Variants in ERGIC1 observed in about 807,000 individuals in gnomAD.
The protein encoded by ERGIC1 is endoplasmic reticulum-golgi intermediate compartment 1.
A neutral mutation model predicts 38.3 loss-of-function variants in ERGIC1; 19 were observed. The ratio of observed to expected loss-of-function variants is 0.50; its 90% CI spans 0.35 to 0.73. ERGIC1 has a LOEUF of 0.73. ERGIC1 is among the 30% of genes least tolerant of loss of function. The pLI is 0.01. For missense variants in ERGIC1, 294 were observed against 389.2 expected, an observed-to-expected ratio of 0.76 and a Z score of 2.06; for synonymous variants, 124 against 157.6, an observed-to-expected ratio of 0.79 and a Z score of 1.60.
chr5:172,941,283 A>G (rs762041835), intron 9 of ERGIC1, among the ~76,000 whole-genome samples: 3 of 152,054 alleles, frequency 2.0e-5, no homozygotes, highest in Admixed American at 6.6e-5. Context: ...TATTTTCCCT[A>G]GCCAGACAGG....
At chr5:172,911,735 G>A (rs752957712) in intron 4 of ERGIC1, among the ~76,000 whole-genome samples, 4 of 152,034 alleles carry the variant, frequency 2.6e-5, no homozygotes, top group Admixed American at 6.6e-5. Context: ...AGCTGAGATC[G>A]TACTGCATGT....
Position 172,834,633 on chromosome 5 carries a change from C to A in ERGIC1, c.20+200C>A, listed in dbSNP as rs1256953812. On this transcript the variant is annotated intron_variant, in intron 1 of 9. Transcript: ENST00000393784. The surrounding 1 kb of genome is among the most constrained non-coding windows in gnomAD (Gnocchi z 4.1). ...CCAGAGCCGCGGAGGCCCCCTCGTG[C>A]AGCGGGAGACAAATCCACCCACCTT... Among the ~76,000 whole-genome samples, 2 of 140,794 alleles carry A rather than the reference C, an allele frequency of 1.4e-5. No individual in the cohort carries two copies. Among genetic ancestry groups the A allele is most frequent in the Non-Finnish European group, 3.1e-5 (2 of 64,274 alleles). 92.4% of individuals were successfully genotyped at this position (140,794 alleles called of 152,430 possible). A position where few individuals can be genotyped will look rare whatever the true frequency, so the allele number is the denominator to read the frequency against.
intron 1 of ERGIC1, among the ~76,000 whole-genome samples, chr5:172,866,250 T>G (rs1581524414): frequency 1.3e-5 from 2 of 151,566 alleles, no homozygotes; most frequent in African/African-American, 2.4e-5. Context: ...GAGAGCAGAG[T>G]GGGGAGAGAA....
chr5:172,914,531 AC>A (rs776914335), intron 4 of ERGIC1, 182 bp from the exon 5 acceptor site: 18 of 961,288 alleles, frequency 1.9e-5, no homozygotes, highest in Non-Finnish European at 2.7e-5. Flanking sequence ...CCCTCGCCTC[AC>A]GTTTAGCGGA....
chr5:172,840,025 T>C (rs1761122701), intron 1 of ERGIC1, among the ~76,000 whole-genome samples: 1 of 152,206 alleles, frequency 6.6e-6, no homozygotes, highest in Non-Finnish European at 1.5e-5. Flanking sequence ...CCAACAGTGC[T>C]CATTAAGAAG....
At chr5:172,908,318 G>GGGGCGGA (rs1561729632) in intron 3 of ERGIC1, among the ~76,000 whole-genome samples, 1 of 7,334 alleles carries the variant, frequency 1.4e-4, no homozygotes. Context: ...GGGGGGGGGG[G>GGGGCGGA]AGAGAGGGGA....
At chr5:172,932,183 C>T (rs1763791647) in intron 7 of ERGIC1, among the ~76,000 whole-genome samples, 1 of 152,132 alleles carries the variant, frequency 6.6e-6, no homozygotes, top group South Asian at 2.1e-4. Context: ...CATGGTTGCT[C>T]TATTGATGGA....
chr5:172,951,076 G>A lies in ERGIC1; in HGVS notation c.*260G>A. On this transcript the variant is annotated 3_prime_UTR_variant, in exon 10 of 10. Coordinates refer to ENST00000393784, the MANE Select transcript of ERGIC1 (RefSeq NM_001031711.3). ...CCAAGAACAGAGTCAGGCAAGGGGTGGGGAGTCCAGGGATCTTGGGGACCC... is the reference window on the plus strand; with the variant it reads ...CCAAGAACAGAGTCAGGCAAGGGGTAGGGAGTCCAGGGATCTTGGGGACCC... The A allele has an allele frequency of 2.6e-6, 1 of 389,484 alleles. No homozygotes were observed. Among genetic ancestry groups the A allele is most frequent in the African/African-American group, 2.1e-5 (1 of 48,450 alleles). The allele number at this position is 389,484 out of a possible 1,614,324, so 24.1% of individuals were successfully genotyped here.
chr5:172,943,109 T>A (rs1238772561), intron 9 of ERGIC1, among the ~76,000 whole-genome samples: 1 of 152,186 alleles, frequency 6.6e-6, no homozygotes, highest in African/African-American at 2.4e-5. Flanking sequence ...TCTGACCCTC[T>A]GTGTCCTTGT....
At chr5:172,901,221 T>C (rs1354679553) in intron 3 of ERGIC1, among the ~76,000 whole-genome samples, 1 of 152,238 alleles carries the variant, frequency 6.6e-6, no homozygotes, top group Non-Finnish European at 1.5e-5. Flanking sequence ...CATAAGACGC[T>C]TATTCTGGCC....
Position 172,839,844 on chromosome 5 carries a change from CG to C in ERGIC1, c.20+5413del, listed in dbSNP as rs368101478. Among the ~76,000 whole-genome samples the C allele has an allele frequency of 2.3e-3, 349 of 152,318 alleles. 1 individual carries two copies. Among genetic ancestry groups the C allele is most frequent in the African/African-American group, 8.0e-3 (333 of 41,572 alleles). On this transcript the variant is annotated intron_variant, in intron 1 of 9. Coordinates refer to ENST00000393784, the MANE Select transcript of ERGIC1 (RefSeq NM_001031711.3). ...GGAGGTGCCACAGAGTTCGGAAACACGGTCGTTCCCGTTCCTGGAGCTGGGA... is the reference window on the plus strand; with the variant it reads ...GGAGGTGCCACAGAGTTCGGAAACACGTCGTTCCCGTTCCTGGAGCTGGGA...
intron 9 of ERGIC1, among the ~76,000 whole-genome samples, chr5:172,946,382 G>A (rs1554114568): frequency 6.6e-6 from 1 of 152,294 alleles, no homozygotes; most frequent in Non-Finnish European, 1.5e-5. Context: ...CGGCACCCCT[G>A]CCCTCCCCTC....
chr5:172,850,355 C>T (rs1282898541), intron 1 of ERGIC1, among the ~76,000 whole-genome samples: 4 of 150,474 alleles, frequency 2.7e-5, no homozygotes, highest in Non-Finnish European at 4.4e-5. Flanking sequence ...CACACAGGCA[C>T]GTCATCCTGC....
At chr5:172,947,152 C>T (rs1462757213) in intron 9 of ERGIC1, among the ~76,000 whole-genome samples, 1 of 148,490 alleles carries the variant, frequency 6.7e-6, no homozygotes, top group East Asian at 2.0e-4. Flanking sequence ...CATTGCACTC[C>T]AATCTGGGCG....
At position 172,842,691 on chromosome 5, in the gene ERGIC1, G is replaced by A. The variant is rs1001537762; in HGVS notation, c.20+8258G>A. Among the ~76,000 whole-genome samples the A allele has an allele frequency of 2.6e-5, 4 of 152,052 alleles. No homozygotes were observed. The South Asian group carries it at 6.2e-4, about 24-fold the overall frequency. On this transcript the variant is annotated intron_variant, in intron 1 of 9. Transcript: ENST00000393784. ...TTGCCAACATGTCTTTTGTTTTTCT[G>A]GTAATAGCCATCCTAACAGGTATGA...
At chr5:172,921,773 T>A (rs1272835162) in intron 5 of ERGIC1, 1 of 152,276 alleles carries the variant, frequency 6.6e-6, no homozygotes, top group Non-Finnish European at 1.5e-5. Flanking sequence ...CTTAGTTCCT[T>A]AGACAGCCCA....
chr5:172,840,154 C>A, intron 1 of ERGIC1, among the ~76,000 whole-genome samples: 1 of 152,012 alleles, frequency 6.6e-6, no homozygotes, highest in South Asian at 2.1e-4. Flanking sequence ...TCAGTTTTCC[C>A]ACGCTGACCA....
Position 172,847,711 on chromosome 5 carries a change from C to T in ERGIC1, c.20+13278C>T, listed in dbSNP as rs937656126. 2.6e-5 allele frequency among the ~76,000 whole-genome samples: 4 copies of T among 152,158 alleles called. No homozygotes were observed. The East Asian group carries it at 5.8e-4, about 22-fold the overall frequency. On this transcript the variant is annotated intron_variant, in intron 1 of 9. Transcript: ENST00000393784. Reference sequence around the variant, plus strand: ...TGTATTTTTAGTAGAGACGGGGTTTCGCCGTGTTGACCAGGATGGTCTCGA... The same window carrying T: ...TGTATTTTTAGTAGAGACGGGGTTTTGCCGTGTTGACCAGGATGGTCTCGA...
intron 7 of ERGIC1, among the ~76,000 whole-genome samples, chr5:172,931,856 A>ACTT (rs1346891986): frequency 1.5e-5 from 1 of 67,848 alleles, no homozygotes; most frequent in Non-Finnish European, 3.2e-5. Flanking sequence ...TAGCACCCAC[A>ACTT]CTTTTTTTTT....
Sources: allele counts gnomAD v4.1 joint callset (sites outside exome capture counted in the v4.1 genomes callset), GRCh38; gene constraint gnomAD v4.1.1; non-coding constraint Gnocchi (gnomAD v3.1); transcripts MANE v1.5; gene names NCBI Gene and HGNC (gene_info 2026-07-23, HGNC 2026-07-21).